The following CLIC4 variants were observed in gnomAD, a reference collection of about 807,000 sequenced individuals.
CLIC4 encodes CLIC family member 4, also known as chloride intracellular channel protein 4.
CLIC4 carries 13 observed loss-of-function variants against 24.6 expected under a neutral mutation model. The observed-to-expected ratio is 0.53, with a 90% CI of 0.34 to 0.84. The LOEUF is 0.84. Ranked by LOEUF, CLIC4 falls within the 40% of genes least tolerant of loss-of-function variation. The probability of loss-of-function intolerance (pLI) is 0.01; values close to 1 mark genes in which losing one functional copy is unlikely to be tolerated. For missense variants in CLIC4, 227 were observed against 301.7 expected, an observed-to-expected ratio of 0.75 and a Z score of 1.83; for synonymous variants, 104 against 111.3, an observed-to-expected ratio of 0.93 and a Z score of 0.41.
chr1:24,779,697 G>C (rs1051098204), intron 1 of CLIC4, among the ~76,000 whole-genome samples: 1 of 152,086 alleles, frequency 6.6e-6, no homozygotes, highest in Admixed American at 6.6e-5. Context: ...CCTTGACCCA[G>C]TTGCTCAAAG....
intron 1 of CLIC4, among the ~76,000 whole-genome samples, chr1:24,748,080 T>A (rs1557791881): frequency 6.6e-6 from 1 of 151,876 alleles, no homozygotes; most frequent in East Asian, 1.9e-4. Flanking sequence ...TTCAGTATTC[T>A]ATTATTCTAT....
intron 1 of CLIC4, among the ~76,000 whole-genome samples, chr1:24,757,166 A>T (rs1211231302): frequency 1.3e-5 from 2 of 152,060 alleles, no homozygotes; most frequent in Non-Finnish European, 2.9e-5. Flanking sequence ...AAGTTCTGGG[A>T]TTACAGATGT....
At chr1:24,756,515 C>T (rs1638851896) in intron 1 of CLIC4, among the ~76,000 whole-genome samples, 1 of 152,110 alleles carries the variant, frequency 6.6e-6, no homozygotes, top group Non-Finnish European at 1.5e-5. Flanking sequence ...TTCCAACTTA[C>T]ATGTGAATAA....
chr1:24,758,599 G>A (rs1427539757), intron 1 of CLIC4, among the ~76,000 whole-genome samples: 3 of 152,056 alleles, frequency 2.0e-5, no homozygotes, highest in Admixed American at 6.5e-5. Context: ...TGGGACTAGA[G>A]ACACGTACCA....
At chr1:24,791,046 G>A (rs1029721444) in intron 1 of CLIC4, among the ~76,000 whole-genome samples, 1 of 152,114 alleles carries the variant, frequency 6.6e-6, no homozygotes, top group African/African-American at 2.4e-5. Flanking sequence ...AAATAAAAAT[G>A]TAGAAGAATA....
At chr1:24,776,767 C>T (rs1217804001) in intron 1 of CLIC4, among the ~76,000 whole-genome samples, 2 of 151,994 alleles carry the variant, frequency 1.3e-5, no homozygotes, top group East Asian at 1.9e-4. Context: ...CAAAAATTAG[C>T]TGGGCATGGT....
chr1:24,774,994 C>T (rs951282403), intron 1 of CLIC4, among the ~76,000 whole-genome samples: 11 of 151,584 alleles, frequency 7.3e-5, no homozygotes, highest in Non-Finnish European at 1.6e-4. Context: ...TCGCTTGAAC[C>T]CAGGACGCAC....
chr1:24,811,549 T>A (rs1639614914), intron 2 of CLIC4, among the ~76,000 whole-genome samples: 1 of 152,018 alleles, frequency 6.6e-6, no homozygotes, highest in African/African-American at 2.4e-5. Context: ...CACTGTTCAC[T>A]GCAGCCTCGA....
intron 2 of CLIC4, among the ~76,000 whole-genome samples, chr1:24,802,823 A>T (rs995117142): frequency 1.1e-4 from 17 of 150,256 alleles, no homozygotes; most frequent in African/African-American, 3.4e-4. Flanking sequence ...GTAATCCTCC[A>T]GCCTCAGCCT....
At chr1:24,750,812 A>G (rs535394841) in intron 1 of CLIC4, among the ~76,000 whole-genome samples, 16 of 152,242 alleles carry the variant, frequency 1.1e-4, no homozygotes, top group Admixed American at 7.2e-4. Flanking sequence ...GTATGCAACA[A>G]TCTTAGAACA....
chr1:24,787,545 CT>C (rs1036101717), intron 1 of CLIC4, among the ~76,000 whole-genome samples: 2 of 150,212 alleles, frequency 1.3e-5, no homozygotes, highest in African/African-American at 2.4e-5. Flanking sequence ...TAATTTTTTT[CT>C]TTTTTTTTGA....
rs1015160320 is a variant in CLIC4 at position 24,788,143 on chromosome 1, C to T, written c.73-9599C>T. 3.3e-5 allele frequency among the ~76,000 whole-genome samples: 5 copies of T among 152,184 alleles called. No individual in the cohort carries two copies. In the East Asian group the frequency reaches 7.7e-4, roughly 24 times the overall value. On this transcript the variant is annotated intron_variant, in intron 1 of 5. Coordinates refer to ENST00000374379, the MANE Select transcript of CLIC4 (RefSeq NM_013943.3). ...CTGGGATTACAGGCATGAGCCACTGCGCCTGGCCAATTTTTGTATTTTTTA... is the reference window on the plus strand; with the variant it reads ...CTGGGATTACAGGCATGAGCCACTGTGCCTGGCCAATTTTTGTATTTTTTA...
chr1:24,777,014 G>A (rs538194666), intron 1 of CLIC4, among the ~76,000 whole-genome samples: 1 of 152,348 alleles, frequency 6.6e-6, no homozygotes, highest in Admixed American at 6.5e-5. Flanking sequence ...GTTGAGGCAT[G>A]TAAGACTATT....
chr1:24,826,437 G>C (rs1639787571), intron 3 of CLIC4, among the ~76,000 whole-genome samples: 1 of 152,196 alleles, frequency 6.6e-6, no homozygotes, highest in Admixed American at 6.5e-5. Context: ...CTGGTTTAGT[G>C]CAGGACATAC....
intron 3 of CLIC4, among the ~76,000 whole-genome samples, chr1:24,824,635 ATTTCCT>A (rs1252083490): frequency 3.3e-5 from 5 of 151,998 alleles, no homozygotes; most frequent in Non-Finnish European, 7.4e-5. Context: ...CTGGAACATA[ATTTCCT>A]TTTAGGTAAA....
intron 1 of CLIC4, among the ~76,000 whole-genome samples, chr1:24,793,659 C>G (rs1054870841): frequency 9.2e-5 from 14 of 151,810 alleles, no homozygotes; most frequent in Admixed American, 8.5e-4. Flanking sequence ...ATGATTCATT[C>G]TGCCCTCAAA....
chr1:24,819,706 T>C (rs1639706336), intron 3 of CLIC4, among the ~76,000 whole-genome samples: 1 of 151,962 alleles, frequency 6.6e-6, no homozygotes, highest in Middle Eastern at 3.4e-3. Flanking sequence ...CCCAGAGTGC[T>C]GGGATTACAG....
At chr1:24,837,479 G>T (rs915778788) in intron 4 of CLIC4, among the ~76,000 whole-genome samples, 2 of 152,172 alleles carry the variant, frequency 1.3e-5, no homozygotes, top group African/African-American at 4.8e-5. Flanking sequence ...AAGAAGTAAG[G>T]TTATACTTTC....
chr1:24,799,246 C>A (rs919712535), intron 2 of CLIC4, among the ~76,000 whole-genome samples: 2 of 149,632 alleles, frequency 1.3e-5, no homozygotes, highest in Admixed American at 6.6e-5. Flanking sequence ...AAGTGAGGAG[C>A]GTCTCTGCCC....
Sources: allele counts gnomAD v4.1 joint callset (sites outside exome capture counted in the v4.1 genomes callset), GRCh38; gene constraint gnomAD v4.1.1; transcripts MANE v1.5; gene names NCBI Gene and HGNC (gene_info 2026-07-23, HGNC 2026-07-21).